The following ADAMTS20 variants were observed in gnomAD, a reference collection of about 807,000 sequenced individuals.
ADAMTS20 encodes the protein ADAM metallopeptidase with thrombospondin type 1 motif 20.
Under a neutral mutation model 260.1 loss-of-function variants are expected in ADAMTS20, and 225 were observed. The observed-to-expected ratio is 0.87, with a 90% CI of 0.78 to 0.97. ADAMTS20 has a LOEUF of 0.97. Ranked by LOEUF, ADAMTS20 falls within the 50% of genes least tolerant of loss-of-function variation. The probability of loss-of-function intolerance (pLI) is 0.00; values close to 1 mark genes in which losing one functional copy is unlikely to be tolerated. For synonymous variants in ADAMTS20, 802 were observed against 769.5 expected (o/e 1.04, Z -0.70); for missense variants, 2,400 against 2,337.7 (o/e 1.03, Z -0.55).
At chr12:43,381,699 T>C (rs1236145598) in intron 31 of ADAMTS20, among the ~76,000 whole-genome samples, 2 of 143,994 alleles carry the variant, frequency 1.4e-5, no homozygotes, top group Admixed American at 7.4e-5. Context: ...GAGGATTGCT[T>C]GAGCCTAGGA....
At chr12:43,425,229 G>C (rs1049239224) in intron 28 of ADAMTS20, among the ~76,000 whole-genome samples, 1 of 152,100 alleles carries the variant, frequency 6.6e-6, no homozygotes, top group African/African-American at 2.4e-5. Context: ...GCCACATGGT[G>C]GGGAACAACA....
chr12:43,413,614 A>G (rs1437499181), intron 28 of ADAMTS20, among the ~76,000 whole-genome samples: 5 of 152,210 alleles, frequency 3.3e-5, no homozygotes, highest in Non-Finnish European at 5.9e-5. Context: ...ATGTTTAAGT[A>G]TTTCAATAAT....
In ADAMTS20 at chr12:43,434,260, G is replaced by A; in HGVS notation, c.2705C>T (p.Thr902Ile). The A allele has an allele frequency of 6.3e-7, 1 of 1,583,124 alleles. No individual in the cohort carries two copies. Among genetic ancestry groups the A allele is most frequent in the South Asian group, 1.2e-5 (1 of 86,808 alleles). The change falls in exon 19 of 39, where the codon ACA becomes ATA. Residue 902 changes from threonine (T) to isoleucine (I), a missense_variant. Physicochemically the swap from Thr to Ile is moderately conservative, Grantham distance 89. Coordinates refer to ENST00000389420, the MANE Select transcript of ADAMTS20 (RefSeq NM_025003.5). ...TCTCTTTTACCTTAGTTCACAGTCT[G>A]TATTGCAACTTTGAGTAACAAATGA... Reference protein sequence around the residue: ...LPSFVTQSCNTDCELRWHVIG... With the variant: ...LPSFVTQSCNIDCELRWHVIG...
intron 7 of ADAMTS20, among the ~76,000 whole-genome samples, chr12:43,483,652 T>C (rs1476775816): frequency 3.9e-5 from 6 of 152,038 alleles, no homozygotes; most frequent in Non-Finnish European, 5.9e-5. Context: ...AACATTGGGT[T>C]GGGAATGTGA....
At chr12:43,462,678 C>G (rs777228468) in intron 11 of ADAMTS20, among the ~76,000 whole-genome samples, 14 of 152,050 alleles carry the variant, frequency 9.2e-5, no homozygotes, top group Non-Finnish European at 1.9e-4. Flanking sequence ...GCTAACTATA[C>G]AAAACTTTAA....
intron 37 of ADAMTS20, among the ~76,000 whole-genome samples, chr12:43,365,330 A>G (rs558957468): frequency 1.1e-4 from 16 of 152,218 alleles, no homozygotes; most frequent in Middle Eastern, 3.4e-3. Context: ...GAGTGCTGAT[A>G]AAGTTAATTA....
In ADAMTS20 at chr12:43,466,783, T is replaced by C. The variant is rs1420367701; in HGVS notation, c.1236A>G (p.Gln412=). Residue 412 remains glutamine, a synonymous_variant, in exon 9 of 39, where the codon CAA becomes CAG. Coordinates refer to ENST00000389420, the MANE Select transcript of ADAMTS20 (RefSeq NM_025003.5). ...CTTTACATCTAGGATTATCATCATG[T>C]TGAACACCAAGTCTAAAAATAAAAA... ...AHELGHTLGV[Q]HDDNPRCKEM... 2 of 1,595,380 alleles carry C rather than the reference T, an allele frequency of 1.3e-6. No homozygotes were observed. The highest frequency in any genetic ancestry group is 2.7e-5 in the African/African-American group (2 of 74,120).
chr12:43,503,371 C>G (rs1592100696), intron 3 of ADAMTS20, among the ~76,000 whole-genome samples: 1 of 152,018 alleles, frequency 6.6e-6, no homozygotes, highest in East Asian at 1.9e-4. Flanking sequence ...AATCAATAAC[C>G]AAGACATGGC....
chr12:43,462,751 T>C (rs1202314941), intron 11 of ADAMTS20, 144 bp downstream of exon 11: 3 of 633,816 alleles, frequency 4.7e-6, no homozygotes, highest in African/African-American at 3.7e-5. Context: ...GACAATGTAC[T>C]ATATCAAACA....
rs777085123 is a variant in ADAMTS20 at position 43,431,526 on chromosome 12, T to A, written c.3097-30A>T. The stretch of plus-strand genomic sequence containing the variant: ...AAGAATAAAACTGATCATTATTTAT[T>A]TGCAGCATTAGTCAACACAAATGCC... On this transcript the variant is annotated intron_variant, in intron 21 of 38. Coordinates refer to ENST00000389420, the MANE Select transcript of ADAMTS20 (RefSeq NM_025003.5). The A allele has an allele frequency of 1.9e-6, 3 of 1,612,546 alleles. No homozygotes were observed. In the African/African-American group the frequency reaches 4.0e-5, roughly 22 times the overall value.
At chr12:43,393,394 C>G (rs1940636662) in intron 29 of ADAMTS20, among the ~76,000 whole-genome samples, 1 of 151,916 alleles carries the variant, frequency 6.6e-6, no homozygotes, top group Non-Finnish European at 1.5e-5. Context: ...CCAGACAGTT[C>G]ATAAATATCC....
chr12:43,399,226 G>A lies in ADAMTS20; in HGVS notation c.4292C>T (p.Ala1431Val). The A allele has an allele frequency of 6.6e-7, 1 of 1,523,152 alleles. No individual in the cohort carries two copies. The highest frequency in any genetic ancestry group is 8.8e-7 in the Non-Finnish European group (1 of 1,137,064). The allele number at this position is 1,523,152 out of a possible 1,614,324, so 94.4% of individuals were successfully genotyped here. ...WHQEPWTSCS[A>V]SCGKGRKYRE... ...GTACTTTCTACCTTTACCACAAGAA[G>A]CTGAGCACTAGAAAAGAAATATGAA... The change falls in exon 29 of 39, where the codon GCT (alanine) becomes GTT (valine). Residue 1431 changes from alanine (A) to valine (V), a missense_variant. Physicochemically the swap from Ala to Val is moderately conservative, Grantham distance 64. Coordinates refer to ENST00000389420, the MANE Select transcript of ADAMTS20 (RefSeq NM_025003.5).
chr12:43,505,101 T>C (rs915605436), intron 3 of ADAMTS20, among the ~76,000 whole-genome samples: 1 of 152,180 alleles, frequency 6.6e-6, no homozygotes, highest in South Asian at 2.1e-4. Flanking sequence ...AAATGATTTT[T>C]GACAAGAGTG....
chr12:43,354,600 T>C (rs1333820899), intron 38 of ADAMTS20, among the ~76,000 whole-genome samples: 1 of 152,152 alleles, frequency 6.6e-6, no homozygotes, highest in African/African-American at 2.4e-5. Flanking sequence ...AATCCACATA[T>C]TTTTCATCTA....
At chr12:43,404,344 A>G (rs1006416725) in intron 28 of ADAMTS20, among the ~76,000 whole-genome samples, 1 of 152,082 alleles carries the variant, frequency 6.6e-6, no homozygotes, top group African/African-American at 2.4e-5. Context: ...CAACTTACTG[A>G]CCAATGTTTG....
intron 22 of ADAMTS20, 31 bp downstream of exon 22, chr12:43,431,301 C>A: frequency 6.2e-7 from 1 of 1,602,674 alleles, no homozygotes; most frequent in South Asian, 1.1e-5. Flanking sequence ...AAAGATAGAT[C>A]AAATTAGAAA....
Position 43,428,277 on chromosome 12 carries a change from G to A in ADAMTS20, c.3909C>T (p.Val1303=), listed in dbSNP as rs1372902968. 3.7e-6 allele frequency: 6 copies of A among 1,613,922 alleles called. No individual in the cohort carries two copies. In the South Asian group the frequency reaches 5.5e-5, roughly 15 times the overall value. The change falls in exon 26 of 39, where the codon GTC becomes GTT. Residue 1303 remains valine (V), a synonymous_variant. Coordinates refer to ENST00000389420, the MANE Select transcript of ADAMTS20 (RefSeq NM_025003.5). ...DNENQVVHPS[V]RGNQWRTGPW... is the part of the protein sequence containing the mutation. ...GTCCGGTTCTCCACTGGTTTCCTCT[G>A]ACTGATGGATGGACCACCTGATTTT... is the stretch of plus-strand genomic sequence containing the variant.
intron 15 of ADAMTS20, among the ~76,000 whole-genome samples, chr12:43,446,194 A>C (rs929429175): frequency 6.6e-6 from 1 of 152,212 alleles, no homozygotes; most frequent in Non-Finnish European, 1.5e-5. Flanking sequence ...AAAAAAAGAA[A>C]GTGATTCAAG....
intron 28 of ADAMTS20, 84 bp from the exon 29 acceptor site, chr12:43,399,317 T>G (rs1940764234): frequency 7.1e-6 from 8 of 1,129,494 alleles, no homozygotes. Context: ...AATGTAACAA[T>G]CCACACATAA....
Sources: allele counts gnomAD v4.1 joint callset (sites outside exome capture counted in the v4.1 genomes callset), GRCh38; gene constraint gnomAD v4.1.1; transcripts MANE v1.5; gene names NCBI Gene and HGNC (gene_info 2026-07-23, HGNC 2026-07-21).